Variants in STAB2 observed in about 807,000 individuals in gnomAD.
The protein encoded by STAB2 is stabilin-2.
A neutral mutation model predicts 338.1 loss-of-function variants in STAB2; 288 were observed. The observed-to-expected ratio is 0.85, with a 90% CI of 0.77 to 0.94. The LOEUF (loss-of-function observed/expected upper bound fraction) is 0.94, where lower values mean the gene tolerates loss of function less well. Among genes scored for constraint, STAB2 ranks in the 40% least tolerant of loss-of-function variants. STAB2 has a pLI of 0.00. For missense variants in STAB2, 3,141 were observed against 3,210.1 expected, an observed-to-expected ratio of 0.98 and a Z score of 0.52; for synonymous variants, 1,202 against 1,193.3, an observed-to-expected ratio of 1.01 and a Z score of -0.15.
chr12:103,637,090 T>A, intron 6 of STAB2, 21 bp from the exon 7 acceptor site: 1 of 1,588,828 alleles, frequency 6.3e-7, no homozygotes, highest in East Asian at 2.3e-5. Context: ...ATGCAAGTAC[T>A]TCAACAATTT....
At chr12:103,760,903 G>T (rs1183917927) in intron 65 of STAB2, among the ~76,000 whole-genome samples, 1 of 152,208 alleles carries the variant, frequency 6.6e-6, no homozygotes, top group Non-Finnish European at 1.5e-5. Flanking sequence ...GCCCACACAA[G>T]CCAGGAAATC....
chr12:103,634,209 AC>A (rs770761280), intron 6 of STAB2, among the ~76,000 whole-genome samples: 2 of 152,042 alleles, frequency 1.3e-5, no homozygotes, highest in Non-Finnish European at 2.9e-5. Flanking sequence ...GTCCCAAGGT[AC>A]TACAATCAAA....
intron 50 of STAB2, among the ~76,000 whole-genome samples, chr12:103,731,934 A>T (rs1030753064): frequency 2.0e-5 from 3 of 152,242 alleles, no homozygotes; most frequent in African/African-American, 7.2e-5. Context: ...CACATCTGGA[A>T]TTATCAACTC....
Position 103,651,784 on chromosome 12 carries a change from T to C in STAB2, c.1258-772T>C, listed in dbSNP as rs543123208. 7.3e-4 allele frequency among the ~76,000 whole-genome samples: 111 copies of C among 152,142 alleles called. 1 individual carries two copies. The highest frequency in any genetic ancestry group is 2.6e-3 in the African/African-American group (109 of 41,512). On this transcript the variant is annotated intron_variant, in intron 11 of 68. Transcript: ENST00000388887. ...GTGGGAAAAAATAAAAATGAAAAAATAAAATTGAGTTATCTTAATCCAAGA... is the reference window on the plus strand; with the variant it reads ...GTGGGAAAAAATAAAAATGAAAAAACAAAATTGAGTTATCTTAATCCAAGA...
intron 25 of STAB2, among the ~76,000 whole-genome samples, chr12:103,680,071 A>C (rs1876758501): frequency 6.6e-6 from 1 of 152,192 alleles, no homozygotes; most frequent in Non-Finnish European, 1.5e-5. Flanking sequence ...AGGTTCCTAG[A>C]ATAGTCAGGT....
At chr12:103,654,229 G>A (rs868834874) in intron 12 of STAB2, among the ~76,000 whole-genome samples, 1 of 152,242 alleles carries the variant, frequency 6.6e-6, no homozygotes, top group African/African-American at 2.4e-5. Context: ...AGACACTAAA[G>A]TGAGTGATGA....
At chr12:103,622,747 C>T (rs925206368) in intron 5 of STAB2, among the ~76,000 whole-genome samples, 13 of 152,204 alleles carry the variant, frequency 8.5e-5, no homozygotes, top group African/African-American at 3.1e-4. Context: ...GTGCAGTCAG[C>T]TACTCCCCGG....
chr12:103,588,841 T>C (rs1283946597), intron 1 of STAB2, among the ~76,000 whole-genome samples: 1 of 152,120 alleles, frequency 6.6e-6, no homozygotes, highest in Non-Finnish European at 1.5e-5. Context: ...ATTCAAACTC[T>C]ATCTAAGTGT....
chr12:103,766,059 T>C, intron 68 of STAB2: 1 of 674,390 alleles, frequency 1.5e-6, no homozygotes, highest in Non-Finnish European at 2.7e-6. Context: ...TTGGGATGAT[T>C]TGTCTTGGGC....
chr12:103,735,348 A>G (rs1485652636), intron 51 of STAB2, 143 bp from the exon 52 acceptor site: 1 of 548,098 alleles, frequency 1.8e-6, no homozygotes, highest in Non-Finnish European at 3.2e-6. Flanking sequence ...CATTGGTTAT[A>G]CCTACGGTCA....
In STAB2 at chr12:103,755,484, C is replaced by T; in HGVS notation, c.6880+17C>T. 6.2e-7 allele frequency: 1 copy of T among 1,612,668 alleles called. No individual in the cohort carries two copies. Among genetic ancestry groups the T allele is most frequent in the East Asian group, 2.2e-5 (1 of 44,838 alleles). ...GGATGAAAGGTAACCGCCCCAGCTA[C>T]ACTTCAGGTTCTGGGCCACACAGCT... On this transcript the variant is annotated intron_variant, in intron 62 of 68. Coordinates refer to ENST00000388887, the MANE Select transcript of STAB2 (RefSeq NM_017564.10).
At chr12:103,713,863 A>C in intron 42 of STAB2, 95 bp downstream of exon 42, 2 of 1,547,572 alleles carry the variant, frequency 1.3e-6, no homozygotes, top group Admixed American at 3.5e-5. Context: ...TCAGGACACA[A>C]AACTGAGGTC....
chr12:103,699,169 A>T lies in STAB2; in HGVS notation c.3656A>T (p.His1219Leu). 6.2e-7 allele frequency: 1 copy of T among 1,613,668 alleles called. No homozygotes were observed. The highest frequency in any genetic ancestry group is 1.3e-5 in the African/African-American group (1 of 75,032). The change falls in exon 34 of 69, where the codon CAT becomes CTT. Residue 1219 changes from histidine (H) to leucine (L), a missense_variant. Coordinates refer to ENST00000388887, the MANE Select transcript of STAB2 (RefSeq NM_017564.10). ...LLKNDLHNGM[H>L]RETMLGFSYF... ...AAGAATGACCTGCACAATGGCATGCATCGTGAGACCATGCTGGGTTTCTCC... is the reference window on the plus strand; with the variant it reads ...AAGAATGACCTGCACAATGGCATGCTTCGTGAGACCATGCTGGGTTTCTCC...
rs530491880 is a variant in STAB2, at chr12:103,640,024, T to A, written c.907-99T>A. 23 of 1,421,968 alleles carry A rather than the reference T, an allele frequency of 1.6e-5. No homozygotes were observed. In the South Asian group the frequency reaches 2.8e-4, roughly 17 times the overall value. The allele number at this position is 1,421,968 out of a possible 1,614,324, so 88.1% of individuals were successfully genotyped here. On this transcript the variant is annotated intron_variant, in intron 8 of 68. Coordinates refer to ENST00000388887, the MANE Select transcript of STAB2 (RefSeq NM_017564.10). ...GTCCACACTTCAGACATACTCTGAG[T>A]GAGTTTTTATGGAAGAATAAAAATA...
In STAB2 at chr12:103,628,509, T is replaced by A. The variant is rs563506288; in HGVS notation, c.488-3089T>A. Among the ~76,000 whole-genome samples the A allele has an allele frequency of 6.3e-4, 96 of 152,354 alleles. 2 individuals are homozygous for A. The South Asian group carries it at 0.02, about 32-fold the overall frequency. ...CAACAGCAACTTATTGTCCCAGTTC[T>A]GGAAGCGAGAAGTCAAATATCAAGG... On this transcript the variant is annotated intron_variant, in intron 5 of 68. Transcript: ENST00000388887.
At chr12:103,712,280 G>A (rs1431340098) in intron 40 of STAB2, 87 bp from the exon 41 acceptor site, 1 of 1,022,608 alleles carries the variant, frequency 9.8e-7, no homozygotes, top group Admixed American at 1.7e-5. Context: ...CAGGGGCCAG[G>A]ATACTGAGGG....
In STAB2 at chr12:103,739,396, T is replaced by C; in HGVS notation, c.5698-16T>C. ...GATATTCTTGGTTTTCAAGTGTTTC[T>C]TTTCTTGCATACTAGGGGGAGTGTG... On this transcript the variant is annotated splice_polypyrimidine_tract_variant and intron_variant, in intron 53 of 68. Coordinates refer to ENST00000388887, the MANE Select transcript of STAB2 (RefSeq NM_017564.10). 1 of 1,567,134 alleles carries C rather than the reference T, an allele frequency of 6.4e-7. No homozygotes were observed. The highest frequency in any genetic ancestry group is 1.4e-5 in the African/African-American group (1 of 72,834).
At chr12:103,683,374 C>T in intron 26 of STAB2, 74 bp downstream of exon 26, 1 of 1,365,128 alleles carries the variant, frequency 7.3e-7, no homozygotes, top group Non-Finnish European at 1.0e-6. Flanking sequence ...AAGATTATTT[C>T]CTGTCTGGCC....
rs773546494 is a variant in STAB2 at position 103,713,715 on chromosome 12, G to C, written c.4484G>C (p.Arg1495Thr). ...GACTGTAAGAGAACCACCCCAGGAA[G>C]GCGAGTGTGCACGTGCAAAGCAGGC... is the stretch of plus-strand genomic sequence containing the variant. The part of the protein sequence containing the change: ...KADCKRTTPG[R>T]RVCTCKAGYT... Residue 1495 changes from arginine to threonine, a missense_variant, in exon 42 of 69, where the codon AGG becomes ACG. By Grantham distance (71) the Arg-to-Thr change is moderately conservative (BLOSUM62 -1). Coordinates refer to ENST00000388887, the MANE Select transcript of STAB2 (RefSeq NM_017564.10). The C allele has an allele frequency of 5.0e-6, 8 of 1,614,126 alleles. 1 individual carries two copies. The Admixed American group carries it at 1.2e-4, about 24-fold the overall frequency.
Sources: gnomAD v4.1 joint callset for allele counts (sites outside exome capture counted in the v4.1 genomes callset) on GRCh38, gnomAD v4.1.1 for gene constraint, MANE v1.5 for transcripts, NCBI Gene and HGNC (gene_info 2026-07-23, HGNC 2026-07-21) for gene names.